TEAD1: variants seen among roughly 807,000 people sequenced by gnomAD.
The protein encoded by TEAD1 is TEA domain transcription factor 1.
Under a neutral mutation model 54.9 loss-of-function variants are expected in TEAD1, and 9 were observed. That is an observed-to-expected ratio of 0.16 (90% CI 0.10 to 0.29). The LOEUF (loss-of-function observed/expected upper bound fraction) is 0.29, where lower values mean the gene tolerates loss of function less well. Ranked by LOEUF, TEAD1 falls within the 10% of genes least tolerant of loss-of-function variation. The pLI is 1.00. For missense variants in TEAD1, 387 were observed against 535.9 expected, an observed-to-expected ratio of 0.72 and a Z score of 2.74; for synonymous variants, 200 against 187.8, an observed-to-expected ratio of 1.07 and a Z score of -0.53.
chr11:12,935,787 C>G (rs908877865), intron 12 of TEAD1, among the ~76,000 whole-genome samples: 3 of 152,122 alleles, frequency 2.0e-5, no homozygotes, highest in Admixed American at 6.6e-5. Context: ...GACTTGTGTG[C>G]CATGTCCTCA....
chr11:12,815,601 C>G (rs749247070), intron 3 of TEAD1, among the ~76,000 whole-genome samples: 2 of 152,180 alleles, frequency 1.3e-5, no homozygotes, highest in African/African-American at 4.8e-5. Flanking sequence ...GGTGTTTCAA[C>G]TAGATGTAAC....
chr11:12,809,847 T>C (rs1430368789), intron 3 of TEAD1, among the ~76,000 whole-genome samples: 2 of 152,040 alleles, frequency 1.3e-5, no homozygotes, highest in African/African-American at 2.4e-5. Flanking sequence ...CCGAGCCCTG[T>C]GCCTGGCAAG....
intron 3 of TEAD1, among the ~76,000 whole-genome samples, chr11:12,819,807 A>T (rs1200999414): frequency 6.6e-6 from 1 of 152,216 alleles, no homozygotes; most frequent in Non-Finnish European, 1.5e-5. Context: ...GTTTTAAACC[A>T]TTTGCAGTAA....
At chr11:12,857,578 C>CTCTGTGTGTG (rs1343843895) in intron 3 of TEAD1, among the ~76,000 whole-genome samples, 4 of 145,750 alleles carry the variant, frequency 2.7e-5, no homozygotes, top group African/African-American at 7.8e-5. Context: ...CTCTCTGTCT[C>CTCTGTGTGTG]TGTGTGTGTG....
At chr11:12,918,772 C>T (rs913774834) in intron 10 of TEAD1, among the ~76,000 whole-genome samples, 1 of 152,116 alleles carries the variant, frequency 6.6e-6, no homozygotes, top group South Asian at 2.1e-4. Flanking sequence ...GTGGATAGAT[C>T]GTGGCATTTT....
chr11:12,883,276 A>AC, intron 9 of TEAD1, 151 bp downstream of exon 9: 1 of 1,304,060 alleles, frequency 7.7e-7, no homozygotes, highest in Non-Finnish European at 1.1e-6. Context: ...TAGCCTTTTG[A>AC]TTAAGTAAAA....
At chr11:12,846,256 C>T in intron 3 of TEAD1, among the ~76,000 whole-genome samples, 1 of 152,000 alleles carries the variant, frequency 6.6e-6, no homozygotes, top group South Asian at 2.1e-4. Context: ...CCCCACCCCC[C>T]AGAGCCTCCA....
intron 5 of TEAD1, among the ~76,000 whole-genome samples, chr11:12,873,793 A>G (rs1404193961): frequency 6.6e-6 from 1 of 152,238 alleles, no homozygotes; most frequent in Non-Finnish European, 1.5e-5. Flanking sequence ...GGGTATGGCT[A>G]ATAATTGCAG....
At chr11:12,882,367 A>G (rs376519979) in intron 8 of TEAD1, among the ~76,000 whole-genome samples, 1 of 152,142 alleles carries the variant, frequency 6.6e-6, no homozygotes. Context: ...GAGAGAGTAC[A>G]TGGAAGCTCA....
intron 10 of TEAD1, among the ~76,000 whole-genome samples, chr11:12,917,123 T>C (rs1564989681): frequency 6.6e-6 from 1 of 152,156 alleles, no homozygotes; most frequent in Non-Finnish European, 1.5e-5. Flanking sequence ...TCTTGGATTA[T>C]CTAAGTGGGC....
intron 3 of TEAD1, among the ~76,000 whole-genome samples, chr11:12,795,846 A>C (rs2133968145): frequency 6.6e-6 from 1 of 152,272 alleles, no homozygotes; most frequent in South Asian, 2.1e-4. Context: ...AGAACAGTAA[A>C]AGACAAAACA....
intron 3 of TEAD1, among the ~76,000 whole-genome samples, chr11:12,799,891 AG>A (rs1384708245): frequency 1.3e-5 from 2 of 152,112 alleles, no homozygotes; most frequent in African/African-American, 2.4e-5. Context: ...ATGTGAAAGT[AG>A]GGGGGTTGAG....
rs370331397 is a variant in TEAD1, at chr11:12,938,971, T to A, written c.*1749T>A. ...CATCCAATTAACTTACACACCCCCT[T>A]CCCTGTCTCAACACCTGCTTTGACC... On this transcript the variant is annotated 3_prime_UTR_variant, in exon 13 of 13. Coordinates refer to ENST00000527636, the MANE Select transcript of TEAD1 (RefSeq NM_021961.6). The A allele has an allele frequency of 1.3e-5, 2 of 152,212 alleles. No homozygotes were observed. Among genetic ancestry groups the A allele is most frequent in the East Asian group, 3.8e-4 (2 of 5,196 alleles). 9.4% of individuals were successfully genotyped at this position (152,212 alleles called of 1,614,324 possible).
At chr11:12,746,850 G>A (rs1944755683) in intron 2 of TEAD1, among the ~76,000 whole-genome samples, 1 of 152,252 alleles carries the variant, frequency 6.6e-6, no homozygotes, top group African/African-American at 2.4e-5. Context: ...AGCAGGCTGG[G>A]CTGAGGGCTG....
At chr11:12,888,082 TC>T (rs951945753) in intron 9 of TEAD1, among the ~76,000 whole-genome samples, 1 of 152,256 alleles carries the variant, frequency 6.6e-6, no homozygotes, top group Non-Finnish European at 1.5e-5. Flanking sequence ...ATTAGTGACT[TC>T]TTTCATCTTT....
intron 9 of TEAD1, among the ~76,000 whole-genome samples, chr11:12,898,466 C>T (rs112497190): frequency 1.3e-3 from 202 of 150,876 alleles, no homozygotes; most frequent in Middle Eastern, 6.8e-3. Context: ...GTGATCTTGG[C>T]TCACTGCAGC....
At chr11:12,861,984 CTTTTTTTTT>C (rs72145575) in intron 3 of TEAD1, among the ~76,000 whole-genome samples, 1 of 124,366 alleles carries the variant, frequency 8.0e-6, no homozygotes, top group Non-Finnish European at 1.7e-5. Context: ...GAAACTCTGT[CTTTTTTTTT>C]TTTTTTTTTT....
intron 12 of TEAD1, among the ~76,000 whole-genome samples, 167 bp downstream of exon 12, chr11:12,930,493 G>A (rs1024602842): frequency 6.6e-6 from 1 of 152,184 alleles, no homozygotes; most frequent in Non-Finnish European, 1.5e-5. Context: ...CATCCATAGG[G>A]AAAACTTGGG....
At chr11:12,828,968 C>G (rs2134014517) in intron 3 of TEAD1, among the ~76,000 whole-genome samples, 1 of 151,918 alleles carries the variant, frequency 6.6e-6, no homozygotes, top group East Asian at 1.9e-4. Context: ...AGCATAGATT[C>G]ACTGTTTTGT....
Sources: allele counts gnomAD v4.1 joint callset (sites outside exome capture counted in the v4.1 genomes callset), GRCh38; gene constraint gnomAD v4.1.1; transcripts MANE v1.5; gene names NCBI Gene and HGNC (gene_info 2026-07-23, HGNC 2026-07-21).